Variants in FAM13B observed in about 807,000 individuals in gnomAD.
The protein encoded by FAM13B is protein FAM13B.
Under a neutral mutation model 117.3 loss-of-function variants are expected in FAM13B, and 60 were observed. That is an observed-to-expected ratio of 0.51 (90% CI 0.42 to 0.63). FAM13B has a LOEUF of 0.63. FAM13B is among the 30% of genes least tolerant of loss of function. The probability of loss-of-function intolerance (pLI) is 0.00; values close to 1 mark genes in which losing one functional copy is unlikely to be tolerated. For missense variants in FAM13B, 972 were observed against 1,091.9 expected, an observed-to-expected ratio of 0.89 and a Z score of 1.55; for synonymous variants, 332 against 356.1, an observed-to-expected ratio of 0.93 and a Z score of 0.76.
At chr5:138,049,520 A>C (rs1199956721) in intron 1 of FAM13B, among the ~76,000 whole-genome samples, 2 of 131,626 alleles carry the variant, frequency 1.5e-5, no homozygotes, top group African/African-American at 5.7e-5. Context: ...TGATCCACCC[A>C]CCTCTTCCTC....
chr5:137,979,357 A>G (rs528509323), intron 10 of FAM13B, among the ~76,000 whole-genome samples: 8 of 152,194 alleles, frequency 5.3e-5, no homozygotes, highest in African/African-American at 1.9e-4. Flanking sequence ...CAAAAAGCCT[A>G]CTGATTGTTG....
upstream of FAM13B, among the ~76,000 whole-genome samples, chr5:138,033,356 C>G (rs1790706101): frequency 6.6e-6 from 1 of 152,210 alleles, no homozygotes; most frequent in Non-Finnish European, 1.5e-5. Context: ...AAGGGAAAAT[C>G]CGGAACACAG....
chr5:137,974,628 G>GAA (rs35483508), intron 10 of FAM13B, among the ~76,000 whole-genome samples: 31 of 96,584 alleles, frequency 3.2e-4, no homozygotes, highest in Admixed American at 2.9e-3. Flanking sequence ...ATAAAAAAAA[G>GAA]AAAAAAAAAG....
At chr5:137,986,456 A>G (rs981743601) in intron 9 of FAM13B, among the ~76,000 whole-genome samples, 39 of 149,150 alleles carry the variant, frequency 2.6e-4, no homozygotes, top group African/African-American at 9.4e-4. Flanking sequence ...GATATATGAA[A>G]AACATGAAAT....
chr5:138,019,106 C>T lies in FAM13B; in HGVS notation c.6G>A (p.Arg2=), dbSNP rs752459960. The T allele has an allele frequency of 6.2e-7, 1 of 1,612,490 alleles. No homozygotes were observed. Among genetic ancestry groups the T allele is most frequent in the South Asian group, 1.1e-5 (1 of 90,868 alleles). The change falls in exon 3 of 24, where the codon AGG becomes AGA. Residue 2 remains arginine, a synonymous_variant. Coordinates refer to ENST00000689681, the MANE Select transcript of FAM13B (RefSeq NM_001385994.1). The part of the protein sequence containing the change: M[R]KSSSPSLSNC... The stretch of plus-strand genomic sequence containing the variant: ...TACTCAAGGAAGGGGAGGAGCTCTT[C>T]CTCATATCTTTTTTGCAGCCAGAAA...
intron 2 of FAM13B, among the ~76,000 whole-genome samples, chr5:138,020,474 A>G (rs904968856): frequency 3.3e-5 from 5 of 152,248 alleles, no homozygotes; most frequent in African/African-American, 1.2e-4. Context: ...GAAGTGGGAG[A>G]AAACAATGTC....
chr5:138,027,917 T>G (rs1315558723), intron 1 of FAM13B, among the ~76,000 whole-genome samples: 2 of 152,214 alleles, frequency 1.3e-5, no homozygotes, highest in African/African-American at 2.4e-5. Context: ...ATGTAAGACA[T>G]GCCTGCGTCC....
At position 137,997,877 on chromosome 5, in the gene FAM13B, T is replaced by C. The variant is rs149415520; in HGVS notation, c.848+9113A>G. On this transcript the variant is annotated intron_variant, in intron 7 of 23. Coordinates refer to ENST00000689681, the MANE Select transcript of FAM13B (RefSeq NM_001385994.1). ...TTTTCACTGTGCTGACATTTGCATG[T>C]TTTCAAATTTCTTAAATTGGGAGGC... 2.2e-3 allele frequency among the ~76,000 whole-genome samples: 332 copies of C among 152,302 alleles called. 1 individual carries two copies. Among genetic ancestry groups the C allele is most frequent in the Admixed American group, 3.9e-3 (60 of 15,290 alleles).
intron 9 of FAM13B, 117 bp downstream of exon 9, chr5:137,987,344 A>C: frequency 1.1e-6 from 1 of 939,866 alleles, no homozygotes; most frequent in Non-Finnish European, 1.5e-6. Flanking sequence ...GTCACTTTTC[A>C]CAAACAACTT....
chr5:138,032,705 G>A (rs914508968), intron 1 of FAM13B, 77 bp downstream of exon 1: 102 of 985,070 alleles, frequency 1.0e-4, no homozygotes, highest in Non-Finnish European at 1.2e-4. Context: ...CGGCGCTGGG[G>A]GGCAACAGGA....
intron 1 of FAM13B, among the ~76,000 whole-genome samples, chr5:138,023,593 T>C (rs1787367815): frequency 6.6e-6 from 1 of 152,180 alleles, no homozygotes; most frequent in South Asian, 2.1e-4. Context: ...ATAGTCTTTT[T>C]CTTTTTTTGA....
intron 6 of FAM13B, among the ~76,000 whole-genome samples, chr5:138,007,771 G>A (rs1291114895): frequency 2.0e-5 from 3 of 152,146 alleles, no homozygotes; most frequent in African/African-American, 7.2e-5. Flanking sequence ...TTATGAAACT[G>A]GCTACGTAGG....
intron 10 of FAM13B, among the ~76,000 whole-genome samples, chr5:137,971,720 C>T (rs1200849708): frequency 6.8e-6 from 1 of 147,714 alleles, no homozygotes; most frequent in East Asian, 2.0e-4. Flanking sequence ...GCTAGCAAGA[C>T]TAATAAAGAA....
intron 4 of FAM13B, among the ~76,000 whole-genome samples, chr5:138,017,212 GA>G (rs1785484190): frequency 6.6e-6 from 1 of 152,152 alleles, no homozygotes; most frequent in South Asian, 2.1e-4. Context: ...TAGCTGTACA[GA>G]AAACATGTGT....
At chr5:137,999,507 C>T (rs1430780364) in intron 7 of FAM13B, among the ~76,000 whole-genome samples, 23 of 151,166 alleles carry the variant, frequency 1.5e-4, no homozygotes, top group Non-Finnish European at 2.5e-4. Context: ...ACCCAGGAGG[C>T]GGAGGCTGCA....
At chr5:138,012,019 T>C in intron 4 of FAM13B, 74 bp from the exon 5 acceptor site, 1 of 1,014,898 alleles carries the variant, frequency 9.9e-7, no homozygotes, top group Non-Finnish European at 1.4e-6. Flanking sequence ...AGGTTCACAT[T>C]ACTCCACCCA....
At position 137,959,717 on chromosome 5, in the gene FAM13B, T is replaced by C. The variant is rs767550838; in HGVS notation, c.1340A>G (p.Glu447Gly). 9 of 1,613,822 alleles carry C rather than the reference T, an allele frequency of 5.6e-6. No individual in the cohort carries two copies. The African/African-American group carries it at 1.1e-4, about 19-fold the overall frequency. The change falls in exon 13 of 24, where the codon GAA (glutamate) becomes GGA (glycine). Residue 447 changes from glutamate to glycine, a missense_variant. Physicochemically the swap from Glu to Gly is moderately conservative, Grantham distance 98 (BLOSUM62 -2). Coordinates refer to ENST00000689681, the MANE Select transcript of FAM13B (RefSeq NM_001385994.1). Reference protein sequence around the residue: ...ICDLNANTESEVPGGQSVGVQ... With the variant: ...ICDLNANTESGVPGGQSVGVQ... ...ACCAACACTCTGACCTCCTGGTACTTCTGATTCAGTGTTGGCATTCAAATC... is the reference window on the plus strand; with the variant it reads ...ACCAACACTCTGACCTCCTGGTACTCCTGATTCAGTGTTGGCATTCAAATC...
intron 10 of FAM13B, among the ~76,000 whole-genome samples, chr5:137,964,117 G>A (rs936891100): frequency 1.3e-5 from 2 of 152,018 alleles, no homozygotes; most frequent in Non-Finnish European, 2.9e-5. Context: ...GCCAGAGTGA[G>A]GCTCATGCAG....
rs753934614 is a variant in FAM13B at position 137,954,214 on chromosome 5, T to C, written c.1670A>G (p.His557Arg). 9 of 1,613,968 alleles carry C rather than the reference T, an allele frequency of 5.6e-6. No individual in the cohort carries two copies. Among genetic ancestry groups the C allele is most frequent in the South Asian group, 2.2e-5 (2 of 91,078 alleles). Residue 557 changes from histidine (H) to arginine (R), a missense_variant, in exon 15 of 24, where the codon CAT becomes CGT. Coordinates refer to ENST00000689681, the MANE Select transcript of FAM13B (RefSeq NM_001385994.1). ...TGAGGAATCCAACTTTTCTGGATCATGTAGGAAACGCTGGCTTTGACCAAA... is the reference window on the plus strand; with the variant it reads ...TGAGGAATCCAACTTTTCTGGATCACGTAGGAAACGCTGGCTTTGACCAAA... ...LDFGQSQRFL[H>R]DPEKLDSSSK...
Sources: gnomAD v4.1 joint callset for allele counts (sites outside exome capture counted in the v4.1 genomes callset) on GRCh38, gnomAD v4.1.1 for gene constraint, MANE v1.5 for transcripts, NCBI Gene and HGNC (gene_info 2026-07-23, HGNC 2026-07-21) for gene names.